GABRB1: variants seen among roughly 807,000 people sequenced by gnomAD.
GABRB1 encodes the protein gamma-aminobutyric acid type A receptor subunit beta1.
GABRB1 carries 17 observed loss-of-function variants against 51.6 expected under a neutral mutation model. The ratio of observed to expected loss-of-function variants is 0.33; its 90% confidence interval spans 0.23 to 0.49. The LOEUF (loss-of-function observed/expected upper bound fraction) is 0.49, where lower values mean the gene tolerates loss of function less well. GABRB1 is among the 20% of genes least tolerant of loss of function. GABRB1 has a pLI of 0.99. For synonymous variants in GABRB1, 247 were observed against 218.9 expected (o/e 1.13, Z -1.14); for missense variants, 410 against 600.6 (o/e 0.68, Z 3.32).
At chr4:47,028,189 G>A (rs11940744), upstream of GABRB1, among the ~76,000 whole-genome samples, 96,516 of 151,272 alleles carry the variant, frequency 0.64, 31,151 homozygotes, top group East Asian at 0.78. Flanking sequence ...TTTTTAAAAA[G>A]TTTTGCAGGT....
At chr4:47,314,187 T>C (rs998495269) in intron 4 of GABRB1, among the ~76,000 whole-genome samples, 9 of 152,044 alleles carry the variant, frequency 5.9e-5, no homozygotes, top group African/African-American at 2.2e-4. Flanking sequence ...GTGTGACATA[T>C]AGTTTCCCTA....
At chr4:47,324,639 A>G (rs982970896) in intron 5 of GABRB1, among the ~76,000 whole-genome samples, 1 of 152,094 alleles carries the variant, frequency 6.6e-6, no homozygotes, top group Non-Finnish European at 1.5e-5. Flanking sequence ...GTCACAAAGG[A>G]CCTCTTTACA....
At chr4:47,023,447 T>C (rs1238947450) in intron 1 of GABRB1, among the ~76,000 whole-genome samples, 2 of 152,162 alleles carry the variant, frequency 1.3e-5, no homozygotes, top group East Asian at 3.9e-4. Flanking sequence ...GTTATGTGTG[T>C]TTTTATTAAA....
At chr4:47,217,099 A>G (rs1720583771) in intron 4 of GABRB1, among the ~76,000 whole-genome samples, 1 of 151,914 alleles carries the variant, frequency 6.6e-6, no homozygotes, top group East Asian at 1.9e-4. Context: ...GACATAGTAC[A>G]ATTCATATAA....
chr4:47,047,136 G>C (rs920789383), intron 3 of GABRB1, among the ~76,000 whole-genome samples: 2 of 151,924 alleles, frequency 1.3e-5, no homozygotes, highest in African/African-American at 4.8e-5. Context: ...GTACTCCTCT[G>C]AACTTAAAAT....
chr4:47,330,765 CT>C (rs1471364255), intron 5 of GABRB1, among the ~76,000 whole-genome samples: 7 of 151,990 alleles, frequency 4.6e-5, no homozygotes, highest in African/African-American at 1.7e-4. Context: ...CTGTGCCTAT[CT>C]CAAATATTAA....
intron 5 of GABRB1, among the ~76,000 whole-genome samples, chr4:47,375,098 G>A (rs538593787): frequency 1.3e-5 from 2 of 152,318 alleles, no homozygotes; most frequent in African/African-American, 4.8e-5. Context: ...CTTGAACCTA[G>A]GGGCATTATT....
At chr4:47,007,975 A>G (rs1724461896) in intron 1 of GABRB1, among the ~76,000 whole-genome samples, 1 of 151,058 alleles carries the variant, frequency 6.6e-6, no homozygotes, top group African/African-American at 2.4e-5. Flanking sequence ...TTAGGTAAAT[A>G]ATGTTTTGGA....
At chr4:47,037,265 A>G (rs1725620279) in intron 3 of GABRB1, among the ~76,000 whole-genome samples, 1 of 152,232 alleles carries the variant, frequency 6.6e-6, no homozygotes, top group Admixed American at 6.5e-5. Context: ...AACTTTGTAA[A>G]ATAGCCTAAA....
At chr4:47,037,166 T>A (rs1054190973) in intron 3 of GABRB1, among the ~76,000 whole-genome samples, 2 of 152,210 alleles carry the variant, frequency 1.3e-5, no homozygotes, top group African/African-American at 4.8e-5. Flanking sequence ...CACAGTACTA[T>A]CCTGTTGCTT....
upstream of GABRB1, among the ~76,000 whole-genome samples, chr4:47,028,603 A>T (rs1313752630): frequency 6.6e-6 from 1 of 151,546 alleles, no homozygotes; most frequent in Non-Finnish European, 1.5e-5. Context: ...GAGTAGAATG[A>T]TGAACACCCA....
intron 5 of GABRB1, among the ~76,000 whole-genome samples, chr4:47,372,556 A>T (rs1182416578): frequency 3.3e-5 from 5 of 152,056 alleles, no homozygotes; most frequent in Non-Finnish European, 5.9e-5. Flanking sequence ...TAAAATTTCA[A>T]TCTCTTCCCA....
At chr4:47,069,934 A>G (rs545393713) in intron 3 of GABRB1, among the ~76,000 whole-genome samples, 67 of 152,240 alleles carry the variant, frequency 4.4e-4, no homozygotes, top group African/African-American at 1.2e-3. Flanking sequence ...GTCAGGATCA[A>G]TAAAGACCCC....
At chr4:47,095,116 A>G (rs1029739661) in intron 3 of GABRB1, among the ~76,000 whole-genome samples, 1 of 152,176 alleles carries the variant, frequency 6.6e-6, no homozygotes, top group Admixed American at 6.5e-5. Context: ...TCATTTCACT[A>G]AAATGTAGTA....
intron 5 of GABRB1, among the ~76,000 whole-genome samples, chr4:47,397,291 G>T (rs1304578723): frequency 6.6e-6 from 1 of 152,158 alleles, no homozygotes; most frequent in African/African-American, 2.4e-5. Context: ...ATTTATTTGA[G>T]ATTTACAATA....
intron 5 of GABRB1, among the ~76,000 whole-genome samples, chr4:47,331,028 T>C (rs1481878819): frequency 6.6e-6 from 1 of 152,172 alleles, no homozygotes; most frequent in Non-Finnish European, 1.5e-5. Context: ...CAGAAGTAAA[T>C]TGAACTTCAT....
At chr4:47,070,814 C>T (rs1727303200) in intron 3 of GABRB1, among the ~76,000 whole-genome samples, 1 of 152,184 alleles carries the variant, frequency 6.6e-6, no homozygotes, top group South Asian at 2.1e-4. Context: ...CCACCTACTC[C>T]ATGAATGAGT....
chr4:47,404,710 A>G (rs531239578), intron 7 of GABRB1, among the ~76,000 whole-genome samples: 1 of 152,344 alleles, frequency 6.6e-6, no homozygotes, highest in South Asian at 2.1e-4. Flanking sequence ...ATCTTTGAAC[A>G]GCCTAAGATT....
intron 4 of GABRB1, among the ~76,000 whole-genome samples, chr4:47,189,010 T>A (rs912463786): frequency 1.3e-5 from 2 of 151,626 alleles, no homozygotes; most frequent in African/African-American, 4.8e-5. Context: ...GGAGATAGAG[T>A]CTGGGAAAGA....
Sources: gnomAD v4.1 joint callset for allele counts (sites outside exome capture counted in the v4.1 genomes callset) on GRCh38, gnomAD v4.1.1 for gene constraint, MANE v1.5 for transcripts, NCBI Gene and HGNC (gene_info 2026-07-23, HGNC 2026-07-21) for gene names.